ZNF423: variants seen among roughly 807,000 people sequenced by gnomAD.
ZNF423 encodes the protein Ebf-associated zinc finger protein.
A neutral mutation model predicts 95.8 loss-of-function variants in ZNF423; 12 were observed. The observed-to-expected ratio is 0.13, with a 90% confidence interval of 0.08 to 0.20. The LOEUF is 0.20. Ranked by LOEUF, ZNF423 falls within the 10% of genes least tolerant of loss-of-function variation. The pLI is 1.00. For missense variants in ZNF423, 1,316 were observed against 1,737.1 expected (o/e 0.76, Z 4.31); for synonymous variants, 749 against 711.9 (o/e 1.05, Z -0.83).
chr16:49,781,987 G>A (rs1042793805), intron 2 of ZNF423, among the ~76,000 whole-genome samples: 2 of 152,234 alleles, frequency 1.3e-5, no homozygotes, highest in African/African-American at 4.8e-5. Context: ...AAGGAGGGCT[G>A]GGGATGGGGC....
chr16:49,775,611 G>C (rs1042704207), intron 2 of ZNF423, among the ~76,000 whole-genome samples: 2 of 152,142 alleles, frequency 1.3e-5, no homozygotes, highest in African/African-American at 4.8e-5. Flanking sequence ...TCACAAAACT[G>C]AGCTCTGGGA....
intron 1 of ZNF423, among the ~76,000 whole-genome samples, chr16:49,801,752 G>A (rs1233175401): frequency 6.6e-6 from 1 of 152,208 alleles, no homozygotes; most frequent in East Asian, 1.9e-4. Context: ...GAGAACCTAT[G>A]AGTAAGTACA....
intron 3 of ZNF423, among the ~76,000 whole-genome samples, chr16:49,722,330 T>C (rs977872253): frequency 3.9e-5 from 6 of 152,232 alleles, no homozygotes; most frequent in South Asian, 2.1e-4. Context: ...CTGAGAGCTA[T>C]AGAGAATAAC....
chr16:49,548,864 C>T (rs1488345701), intron 5 of ZNF423, among the ~76,000 whole-genome samples: 1 of 152,228 alleles, frequency 6.6e-6, no homozygotes, highest in Non-Finnish European at 1.5e-5. Context: ...CAGTGTCATC[C>T]CTCCTTTCCC....
At chr16:49,835,614 G>T (rs2144073499) in intron 1 of ZNF423, among the ~76,000 whole-genome samples, 1 of 152,318 alleles carries the variant, frequency 6.6e-6, no homozygotes, top group East Asian at 1.9e-4. Flanking sequence ...CCAATCATCA[G>T]CTTCTCTCCC....
chr16:49,713,328 G>T (rs1247206649), intron 3 of ZNF423, among the ~76,000 whole-genome samples: 3 of 152,246 alleles, frequency 2.0e-5, no homozygotes, highest in Admixed American at 1.3e-4. Context: ...ATCTAAGAGA[G>T]CCCAGGGAGT....
intron 3 of ZNF423, among the ~76,000 whole-genome samples, chr16:49,664,925 T>A (rs556649883): frequency 6.6e-6 from 1 of 152,370 alleles, no homozygotes; most frequent in South Asian, 2.1e-4. Flanking sequence ...CCCCTCATTG[T>A]GGGCACATTG....
chr16:49,702,088 C>T (rs1234526229), intron 3 of ZNF423, among the ~76,000 whole-genome samples: 1 of 152,198 alleles, frequency 6.6e-6, no homozygotes, highest in African/African-American at 2.4e-5. Flanking sequence ...CAGGGGATGC[C>T]CGCAATAGAA....
chr16:49,622,508 G>C (rs1402473840), intron 5 of ZNF423, among the ~76,000 whole-genome samples: 2 of 152,152 alleles, frequency 1.3e-5, no homozygotes, highest in African/African-American at 4.8e-5. Context: ...GCCTCCTCCT[G>C]ATGTTCAGCC....
intron 6 of ZNF423, among the ~76,000 whole-genome samples, chr16:49,524,921 C>T (rs1366245715): frequency 6.6e-6 from 1 of 152,194 alleles, no homozygotes; most frequent in African/African-American, 2.4e-5. Context: ...ACCCCTGCAT[C>T]CTGGAGCATG....
intron 3 of ZNF423, among the ~76,000 whole-genome samples, chr16:49,679,085 G>A (rs1472677214): frequency 6.6e-6 from 1 of 152,200 alleles, no homozygotes. Context: ...TCGGACTACA[G>A]GTGTGTGCCA....
chr16:49,643,284 TA>T (rs1973044824), intron 3 of ZNF423, among the ~76,000 whole-genome samples: 1 of 152,192 alleles, frequency 6.6e-6, no homozygotes, highest in Non-Finnish European at 1.5e-5. Context: ...GTTCAGTCGC[TA>T]CATTTTTATT....
intron 5 of ZNF423, among the ~76,000 whole-genome samples, chr16:49,599,297 C>G (rs531594384): frequency 5.1e-4 from 78 of 152,288 alleles, no homozygotes; most frequent in African/African-American, 1.8e-3. Flanking sequence ...GGAAACCTAC[C>G]CTGCACACTC....
chr16:49,659,638 G>A (rs753865838), intron 3 of ZNF423, among the ~76,000 whole-genome samples: 5 of 152,220 alleles, frequency 3.3e-5, no homozygotes, highest in Non-Finnish European at 5.9e-5. Flanking sequence ...AGAGGAGGCC[G>A]GGTGGACAGT....
At chr16:49,600,350 A>G (rs1971326120) in intron 5 of ZNF423, among the ~76,000 whole-genome samples, 2 of 152,006 alleles carry the variant, frequency 1.3e-5, no homozygotes, top group South Asian at 2.1e-4. Flanking sequence ...TTAAAAAAAT[A>G]AAATAAAAGG....
chr16:49,567,063 G>C (rs953428632), intron 5 of ZNF423, among the ~76,000 whole-genome samples: 19 of 152,174 alleles, frequency 1.2e-4, no homozygotes, highest in African/African-American at 4.3e-4. Context: ...CATCACTCGC[G>C]AATTAAGTTT....
At chr16:49,724,857 G>A (rs1412878850) in intron 3 of ZNF423, among the ~76,000 whole-genome samples, 6 of 152,174 alleles carry the variant, frequency 3.9e-5, no homozygotes, top group Non-Finnish European at 8.8e-5. Context: ...GAGGGGAGCC[G>A]CAAAATTAAC....
chr16:49,727,918 G>C (rs1420666531), intron 3 of ZNF423, among the ~76,000 whole-genome samples: 2 of 152,204 alleles, frequency 1.3e-5, no homozygotes, highest in African/African-American at 2.4e-5. Flanking sequence ...CCTGGCCAGG[G>C]GGAGCCTGCG....
rs1405414007 is a variant in ZNF423, at chr16:49,491,093, T to G, written c.*182A>C. The G allele has an allele frequency of 4.3e-6, 3 of 695,760 alleles. No individual in the cohort carries two copies. Among genetic ancestry groups the G allele is most frequent in the African/African-American group, 1.8e-5 (1 of 56,466 alleles). The allele number at this position is 695,760 out of a possible 1,614,324, so 43.1% of individuals were successfully genotyped here. ...TAAAAAATACTGAGCATGGAATACT[T>G]TTAATCTCTGCCATTAATATTCATT... On this transcript the variant is annotated 3_prime_UTR_variant, in exon 8 of 8. Transcript: ENST00000563137.
Sources: gnomAD v4.1 joint callset for allele counts (sites outside exome capture counted in the v4.1 genomes callset) on GRCh38, gnomAD v4.1.1 for gene constraint, MANE v1.5 for transcripts, NCBI Gene and HGNC (gene_info 2026-07-23, HGNC 2026-07-21) for gene names.